The following NUP58 variants were observed in gnomAD, a reference collection of about 807,000 sequenced individuals.
The protein encoded by NUP58 is nucleoporin 58, also known as nucleoporin p58/p45.
NUP58 carries 17 observed loss-of-function variants against 70.1 expected under a neutral mutation model. The observed-to-expected ratio is 0.24, with a 90% CI of 0.17 to 0.36. The LOEUF (loss-of-function observed/expected upper bound fraction) is 0.36, where lower values mean the gene tolerates loss of function less well. NUP58 is among the 10% of genes least tolerant of loss of function. NUP58 has a pLI of 1.00. For synonymous variants in NUP58, 275 were observed against 257.6 expected (o/e 1.07, Z -0.65); for missense variants, 644 against 701.5 (o/e 0.92, Z 0.93).
chr13:25,304,904 A>G (rs567062187), intron 1 of NUP58, among the ~76,000 whole-genome samples: 1 of 152,208 alleles, frequency 6.6e-6, no homozygotes, highest in South Asian at 2.1e-4. Context: ...TGTCAAAATA[A>G]CAATACGATC....
At chr13:25,336,017 T>A (rs953543652) in intron 13 of NUP58, 3 of 1,151,416 alleles carry the variant, frequency 2.6e-6, no homozygotes, top group Non-Finnish European at 3.2e-6. Context: ...CTAGTAAGTT[T>A]GATGCTATTC....
intron 6 of NUP58, among the ~76,000 whole-genome samples, chr13:25,315,794 T>C (rs570989059): frequency 6.6e-6 from 1 of 152,220 alleles, no homozygotes; most frequent in South Asian, 2.1e-4. Context: ...CCAGATGTTT[T>C]ACTTTGGGAA....
intron 1 of NUP58, among the ~76,000 whole-genome samples, chr13:25,307,526 T>G (rs1231602612): frequency 6.6e-6 from 1 of 152,244 alleles, no homozygotes; most frequent in Non-Finnish European, 1.5e-5. Context: ...AAATCTGGTA[T>G]TGTATTTTTT....
intron 3 of NUP58, among the ~76,000 whole-genome samples, chr13:25,312,383 T>A (rs908284623): frequency 6.6e-6 from 1 of 152,210 alleles, no homozygotes; most frequent in Non-Finnish European, 1.5e-5. Flanking sequence ...TTTTTATTTT[T>A]TGAGACAGAG....
intron 3 of NUP58, among the ~76,000 whole-genome samples, chr13:25,347,813 A>G (rs1476983880): frequency 1.3e-5 from 2 of 152,202 alleles, no homozygotes; most frequent in East Asian, 3.8e-4. Context: ...AATTAGCCAA[A>G]CAAGGATCGA....
At position 25,338,707 on chromosome 13, in the gene NUP58, AAACCCTCAGG is replaced by A; in HGVS notation, c.1609_1618del (p.Pro537ValfsTer27). ...CACATTTGGATTTGGAACAACAAAT[AAACCCTCAGG>A]AAGTCTTAGTGCAGGTTTGTGTGTT... is the stretch of plus-strand genomic sequence containing the variant. On this transcript the variant is annotated frameshift_variant, in exon 15 of 16. Transcript: ENST00000381736. LOFTEE classifies it high-confidence loss of function. 1 of 1,613,744 alleles carries A rather than the reference AAACCCTCAGG, an allele frequency of 6.2e-7. No homozygotes were observed.
chr13:25,340,186 GTC>G lies in NUP58; in HGVS notation c.*54_*55del. ...CATAGCAGCACCGTTCATTCTATGA[GTC>G]TATTTTTCTAATGATGCAGTAATTA... On this transcript the variant is annotated 3_prime_UTR_variant, in exon 16 of 16. Transcript: ENST00000381736. 2.8e-6 allele frequency: 4 copies of G among 1,412,830 alleles called. No individual in the cohort carries two copies. Among genetic ancestry groups the G allele is most frequent in the Non-Finnish European group, 3.7e-6 (4 of 1,071,444 alleles). 87.5% of individuals were successfully genotyped at this position (1,412,830 alleles called of 1,614,324 possible). A position where few individuals can be genotyped will look rare whatever the true frequency, so the allele number is the denominator to read the frequency against.
chr13:25,331,247 G>T (rs1442135283), intron 12 of NUP58, 110 bp from the exon 13 acceptor site: 5 of 1,011,880 alleles, frequency 4.9e-6, no homozygotes, highest in African/African-American at 4.9e-5. Context: ...AGTTTGGATT[G>T]AATGTATAAT....
chr13:25,320,866 G>T, intron 8 of NUP58, 53 bp from the exon 9 acceptor site: 1 of 1,175,254 alleles, frequency 8.5e-7, no homozygotes, highest in Non-Finnish European at 1.2e-6. Context: ...TATATTTTGT[G>T]TAGGAAACCA....
intron 1 of NUP58, among the ~76,000 whole-genome samples, chr13:25,304,923 A>G (rs966429411): frequency 2.0e-5 from 3 of 152,106 alleles, no homozygotes. Context: ...TCAGACTACT[A>G]CCAGCTAAGC....
intron 13 of NUP58, chr13:25,335,539 G>T (rs575636254): frequency 1.5e-5 from 15 of 984,428 alleles, no homozygotes; most frequent in African/African-American, 1.8e-5. Flanking sequence ...TGCTAGGCAG[G>T]TATTTTATTC....
chr13:25,321,209 C>A, intron 9 of NUP58, 116 bp downstream of exon 9: 1 of 818,148 alleles, frequency 1.2e-6, no homozygotes, highest in Non-Finnish European at 1.9e-6. Flanking sequence ...ACATGCATAC[C>A]GGTAGAAAAC....
intron 13 of NUP58, 141 bp from the exon 14 acceptor site, chr13:25,336,795 A>C: frequency 1.7e-6 from 1 of 576,974 alleles, no homozygotes; most frequent in Non-Finnish European, 2.9e-6. Context: ...GACATCCTGA[A>C]AACTAAGTTT....
At chr13:25,346,224 C>CA (rs2032047943), downstream of NUP58, among the ~76,000 whole-genome samples, 1 of 152,158 alleles carries the variant, frequency 6.6e-6, no homozygotes, top group Admixed American at 6.5e-5. Flanking sequence ...TACGTTAACT[C>CA]ATTTAGTCCT....
intron 10 of NUP58, among the ~76,000 whole-genome samples, chr13:25,326,395 A>G (rs1025591293): frequency 3.3e-5 from 5 of 152,020 alleles, no homozygotes; most frequent in South Asian, 2.1e-4. Flanking sequence ...AAAAGTAGCA[A>G]TAATTACATG....
At chr13:25,302,317 CG>C (rs1199507347) in intron 1 of NUP58, among the ~76,000 whole-genome samples, 2 of 152,156 alleles carry the variant, frequency 1.3e-5, no homozygotes, top group Non-Finnish European at 2.9e-5. Context: ...TTGGATATGA[CG>C]GTGTTTTAAT....
chr13:25,326,243 G>A (rs1485030106), intron 10 of NUP58, among the ~76,000 whole-genome samples: 2 of 151,890 alleles, frequency 1.3e-5, no homozygotes, highest in Non-Finnish European at 2.9e-5. Flanking sequence ...ACTTAATACT[G>A]CCATCAGAGC....
At chr13:25,348,648 G>C (rs1189133140) in intron 3 of NUP58, among the ~76,000 whole-genome samples, 1 of 152,210 alleles carries the variant, frequency 6.6e-6, no homozygotes, top group Non-Finnish European at 1.5e-5. Context: ...AGACGGTGCA[G>C]ACCGTGGTTC....
intron 3 of NUP58, among the ~76,000 whole-genome samples, chr13:25,310,819 C>T (rs924815507): frequency 6.6e-6 from 1 of 152,132 alleles, no homozygotes; most frequent in African/African-American, 2.4e-5. Context: ...TCATACATTT[C>T]TTTATTTAAT....
Sources: allele counts gnomAD v4.1 joint callset (sites outside exome capture counted in the v4.1 genomes callset), GRCh38; gene constraint gnomAD v4.1.1; transcripts MANE v1.5; gene names NCBI Gene and HGNC (gene_info 2026-07-23, HGNC 2026-07-21).